Variants in SGK3 observed in about 807,000 individuals in gnomAD.
SGK3 encodes serum/glucocorticoid regulated kinase family member 3.
A neutral mutation model predicts 68.5 loss-of-function variants in SGK3; 47 were observed. That is an observed-to-expected ratio of 0.69 (90% confidence interval 0.54 to 0.87). The LOEUF (loss-of-function observed/expected upper bound fraction) is 0.87, where lower values mean the gene tolerates loss of function less well. Among genes scored for constraint, SGK3 ranks in the 40% least tolerant of loss-of-function variants. SGK3 has a pLI of 0.00. For missense variants in SGK3, 479 were observed against 575.5 expected (o/e 0.83, Z 1.72); for synonymous variants, 181 against 189.1 (o/e 0.96, Z 0.35).
chr8:66,754,280 C>T (rs1370787248), intron 1 of SGK3, among the ~76,000 whole-genome samples: 1 of 152,038 alleles, frequency 6.6e-6, no homozygotes, highest in Non-Finnish European at 1.5e-5. Flanking sequence ...TAGATAATTT[C>T]CTGCATTTGC....
intron 3 of SGK3, among the ~76,000 whole-genome samples, chr8:66,803,043 A>G (rs886648150): frequency 6.6e-6 from 1 of 152,208 alleles, no homozygotes; most frequent in African/African-American, 2.4e-5. Flanking sequence ...TCTAAAAATA[A>G]ATGAACAGCA....
At chr8:66,716,821 A>G (rs1008848472) in intron 1 of SGK3, among the ~76,000 whole-genome samples, 3 of 152,172 alleles carry the variant, frequency 2.0e-5, no homozygotes, top group Non-Finnish European at 2.9e-5. Flanking sequence ...TGGTGGGCAG[A>G]GTTACTTTGT....
In SGK3 at chr8:66,744,172, C is replaced by T. The variant is rs369389704; in HGVS notation, c.-122+31339C>T. On this transcript the variant is annotated intron_variant, in intron 1 of 16. Transcript: ENST00000521198. ...TCTGTAGTCTCCCTTCACAATTGAC[C>T]GATAGTTTGGCTGGTTATAGAACTC... 1.6e-4 allele frequency among the ~76,000 whole-genome samples: 24 copies of T among 151,900 alleles called. 1 individual carries two copies. The highest frequency in any genetic ancestry group is 9.6e-4 in the East Asian group (5 of 5,182).
chr8:66,775,768 A>C (rs1175678915), intron 1 of SGK3: 1 of 152,244 alleles, frequency 6.6e-6, no homozygotes, highest in African/African-American at 2.4e-5. Context: ...GGTGTAGTAG[A>C]AACGGGACTG....
chr8:66,804,325 T>C lies in SGK3; in HGVS notation c.181-50T>C, dbSNP rs761405387. On this transcript the variant is annotated intron_variant, in intron 3 of 16. Transcript: ENST00000521198. ...TATTTGGCTTTGATGTGTGCATAAC[T>C]AGAAGACTTATAAAATTAGTTCATA... 5.9e-6 allele frequency: 9 copies of C among 1,517,446 alleles called. No homozygotes were observed. In the East Asian group the frequency reaches 9.8e-5, roughly 17 times the overall value. The allele number at this position is 1,517,446 out of a possible 1,614,324, so 94.0% of individuals were successfully genotyped here.
chr8:66,753,972 CT>C (rs1444522314), intron 1 of SGK3, among the ~76,000 whole-genome samples: 5 of 152,168 alleles, frequency 3.3e-5, no homozygotes, highest in Non-Finnish European at 5.9e-5. Flanking sequence ...TGTTAATAGA[CT>C]TTAAATGCCC....
At chr8:66,823,299 A>G (rs1385259169) in intron 6 of SGK3, among the ~76,000 whole-genome samples, 2 of 152,054 alleles carry the variant, frequency 1.3e-5, no homozygotes, top group African/African-American at 2.4e-5. Flanking sequence ...CAGTCAATAC[A>G]TACATGCCAG....
At chr8:66,800,796 G>A (rs1480438545) in intron 3 of SGK3, among the ~76,000 whole-genome samples, 2 of 152,018 alleles carry the variant, frequency 1.3e-5, no homozygotes, top group African/African-American at 4.8e-5. Flanking sequence ...AAAATTAATA[G>A]GGAGACTCCA....
intron 1 of SGK3, among the ~76,000 whole-genome samples, chr8:66,731,736 A>G (rs998986551): frequency 4.6e-5 from 7 of 152,066 alleles, no homozygotes; most frequent in Admixed American, 2.6e-4. Context: ...GGGTTTCACC[A>G]TGTTAGCCAG....
chr8:66,822,568 T>C, intron 6 of SGK3, 109 bp downstream of exon 6: 16 of 1,008,596 alleles, frequency 1.6e-5, no homozygotes, highest in Non-Finnish European at 2.0e-5. Flanking sequence ...ATAGTAGAGT[T>C]TCTACTATGT....
intron 1 of SGK3, among the ~76,000 whole-genome samples, chr8:66,786,384 T>G (rs1030295845): frequency 1.3e-5 from 2 of 152,146 alleles, no homozygotes; most frequent in African/African-American, 2.4e-5. Context: ...TCTCCTCAAT[T>G]TCTTCTAGTT....
chr8:66,754,631 C>T (rs1585671024), intron 1 of SGK3, among the ~76,000 whole-genome samples: 2 of 152,248 alleles, frequency 1.3e-5, no homozygotes, highest in Admixed American at 1.3e-4. Flanking sequence ...TGCACACAGT[C>T]TGAAGGTCAT....
chr8:66,756,015 T>C (rs1805963525), intron 1 of SGK3, among the ~76,000 whole-genome samples: 1 of 152,156 alleles, frequency 6.6e-6, no homozygotes, highest in African/African-American at 2.4e-5. Context: ...TATCTCAGAC[T>C]GTGACTGTAT....
chr8:66,739,978 G>A (rs1025725503), intron 1 of SGK3, among the ~76,000 whole-genome samples: 8 of 152,130 alleles, frequency 5.3e-5, no homozygotes, highest in Non-Finnish European at 1.0e-4. Context: ...CCCACAACAT[G>A]TGGGGATTAT....
At chr8:66,844,018 A>C (rs1022304443) in intron 14 of SGK3, among the ~76,000 whole-genome samples, 23 of 145,174 alleles carry the variant, frequency 1.6e-4, no homozygotes, top group African/African-American at 2.3e-4. Context: ...AAAAAAAAAA[A>C]ACCCTTTTTA....
intron 1 of SGK3, among the ~76,000 whole-genome samples, chr8:66,789,093 A>G (rs1182524572): frequency 6.6e-6 from 1 of 151,968 alleles, no homozygotes; most frequent in Non-Finnish European, 1.5e-5. Flanking sequence ...TAGTCATACC[A>G]GATGTCCGGG....
intron 14 of SGK3, among the ~76,000 whole-genome samples, chr8:66,845,688 G>T (rs1487495017): frequency 6.9e-6 from 1 of 145,510 alleles, no homozygotes; most frequent in East Asian, 2.0e-4. Flanking sequence ...ACCCCACCTA[G>T]CTTGCTTATT....
intron 6 of SGK3, among the ~76,000 whole-genome samples, chr8:66,823,464 C>G (rs977779332): frequency 1.3e-5 from 2 of 148,966 alleles, no homozygotes; most frequent in East Asian, 4.0e-4. Context: ...GTGGCGTGAT[C>G]TTGGCTCACT....
At chr8:66,737,350 C>T (rs561146447) in intron 1 of SGK3, 1 of 149,906 alleles carries the variant, frequency 6.7e-6, no homozygotes, top group East Asian at 2.0e-4. Flanking sequence ...GAGACCTCAT[C>T]TCTTAAAAAA....
Sources: allele counts gnomAD v4.1 joint callset (sites outside exome capture counted in the v4.1 genomes callset), GRCh38; gene constraint gnomAD v4.1.1; transcripts MANE v1.5; gene names NCBI Gene and HGNC (gene_info 2026-07-23, HGNC 2026-07-21).